CHN1: variants seen among roughly 807,000 people sequenced by gnomAD.
CHN1 encodes N-chimaerin.
In CHN1, 37 loss-of-function variants were observed where a neutral mutation model predicts 59.5. That is an observed-to-expected ratio of 0.62 (90% confidence interval 0.48 to 0.82). The LOEUF (loss-of-function observed/expected upper bound fraction) is 0.82. Ranked by LOEUF, CHN1 falls within the 40% of genes least tolerant of loss-of-function variation. The pLI is 0.00. For missense variants in CHN1, 469 were observed against 571.0 expected (o/e 0.82, Z 1.82); for synonymous variants, 206 against 200.4 (o/e 1.03, Z -0.24).
At chr2:174,920,724 T>C (rs541329154) in intron 3 of CHN1, among the ~76,000 whole-genome samples, 2 of 152,308 alleles carry the variant, frequency 1.3e-5, no homozygotes, top group Admixed American at 1.3e-4. Flanking sequence ...CCCAACATTT[T>C]TGGCACCAGG....
chr2:174,859,950 C>T (rs1182424161), intron 6 of CHN1, among the ~76,000 whole-genome samples: 1 of 151,902 alleles, frequency 6.6e-6, no homozygotes, highest in Admixed American at 6.6e-5. Flanking sequence ...TTAACCTCGG[C>T]ATTAAAAAAA....
chr2:174,928,623 C>A (rs1425653636), intron 3 of CHN1, among the ~76,000 whole-genome samples: 2 of 152,120 alleles, frequency 1.3e-5, no homozygotes, highest in African/African-American at 2.4e-5. Context: ...AGGTATATGA[C>A]TGAACCTTCG....
At position 175,005,367 on chromosome 2, in the gene CHN1, G is replaced by T. The variant is rs1292318053; in HGVS notation, c.-455C>A. 3.6e-6 allele frequency: 4 copies of T among 1,101,560 alleles called. No individual in the cohort carries two copies. Among genetic ancestry groups the T allele is most frequent in the Non-Finnish European group, 4.5e-6 (4 of 895,510 alleles). The allele number at this position is 1,101,560 out of a possible 1,614,324, so 68.2% of individuals were successfully genotyped here. A position where few individuals can be genotyped will look rare whatever the true frequency, so the allele number is the denominator to read the frequency against. On this transcript the variant is annotated 5_prime_UTR_variant, in exon 1 of 13. Coordinates refer to ENST00000409900, the MANE Select transcript of CHN1 (RefSeq NM_001822.7). ...CGCGGCCTCGCAGACGCCATCTTGC[G>T]ATAGCGTCTCCCACGAGCTCGGCCG...
intron 7 of CHN1, among the ~76,000 whole-genome samples, chr2:174,840,169 T>TC (rs1291164818): frequency 7.4e-6 from 1 of 135,308 alleles, no homozygotes; most frequent in Non-Finnish European, 1.6e-5. Context: ...TTCTTTTTTT[T>TC]TTTTTTTTTT....
At chr2:174,992,988 C>A (rs947978530) in intron 1 of CHN1, among the ~76,000 whole-genome samples, 1 of 152,076 alleles carries the variant, frequency 6.6e-6, no homozygotes, top group African/African-American at 2.4e-5. Flanking sequence ...GAGAGTCTCA[C>A]TACATTGCTC....
At chr2:174,837,652 A>T (rs1686134193) in intron 7 of CHN1, among the ~76,000 whole-genome samples, 1 of 152,212 alleles carries the variant, frequency 6.6e-6, no homozygotes, top group Non-Finnish European at 1.5e-5. Context: ...CCTATTTTGT[A>T]ACCAGAAGAA....
chr2:174,914,840 T>C (rs540339933), intron 5 of CHN1, among the ~76,000 whole-genome samples: 7 of 82,586 alleles, frequency 8.5e-5, no homozygotes, highest in Admixed American at 3.0e-4. Flanking sequence ...TGAGATTCCA[T>C]TCAAAAAAAA....
intron 1 of CHN1, among the ~76,000 whole-genome samples, chr2:174,955,356 G>A (rs1169108388): frequency 1.3e-5 from 2 of 151,830 alleles, no homozygotes; most frequent in Non-Finnish European, 2.9e-5. Flanking sequence ...TGGAATTGGA[G>A]ACCATTATTT....
intron 7 of CHN1, chr2:174,846,304 C>T: frequency 6.5e-7 from 1 of 1,545,434 alleles, no homozygotes; most frequent in African/African-American, 1.4e-5. Context: ...AAAAACTACA[C>T]ATACGCATAC....
chr2:174,821,685 A>T (rs1405452976), intron 8 of CHN1: 1 of 448,116 alleles, frequency 2.2e-6, no homozygotes, highest in African/African-American at 2.0e-5. Context: ...TCTGGAGGAC[A>T]TAGCTTTCCA....
chr2:174,891,140 CAAAAAAAAAA>C (rs58016502), intron 5 of CHN1, among the ~76,000 whole-genome samples: 5 of 24,416 alleles, frequency 2.0e-4, no homozygotes, highest in South Asian at 3.5e-3. Flanking sequence ...GACTCCATCT[CAAAAAAAAAA>C]AAAAAAAAAA....
intron 3 of CHN1, among the ~76,000 whole-genome samples, chr2:174,943,312 T>C (rs1320633652): frequency 6.6e-6 from 1 of 151,894 alleles, no homozygotes. Flanking sequence ...CTGCAACCTC[T>C]GCCTCCCGGG....
intron 1 of CHN1, among the ~76,000 whole-genome samples, chr2:174,996,222 T>C (rs1015884816): frequency 1.3e-5 from 2 of 152,190 alleles, no homozygotes; most frequent in Non-Finnish European, 2.9e-5. Flanking sequence ...GAAAGTGTCA[T>C]AGTGGCCAGC....
intron 11 of CHN1, among the ~76,000 whole-genome samples, chr2:174,805,030 T>A (rs1455934633): frequency 1.3e-5 from 2 of 152,260 alleles, no homozygotes; most frequent in African/African-American, 4.8e-5. Context: ...TCTTTAGCTA[T>A]AAGAAGCATA....
At chr2:174,972,403 T>C (rs1211383652) in intron 1 of CHN1, among the ~76,000 whole-genome samples, 2 of 152,154 alleles carry the variant, frequency 1.3e-5, no homozygotes, top group Non-Finnish European at 2.9e-5. Context: ...AGAACAGTAA[T>C]CCCTAACCCA....
chr2:174,997,896 A>C (rs1259052078), intron 1 of CHN1, among the ~76,000 whole-genome samples: 2 of 150,472 alleles, frequency 1.3e-5, no homozygotes, highest in East Asian at 3.9e-4. Context: ...CTGATGCAGG[A>C]GAATCGCTCA....
At chr2:174,968,555 G>A (rs1690661644) in intron 1 of CHN1, among the ~76,000 whole-genome samples, 1 of 152,250 alleles carries the variant, frequency 6.6e-6, no homozygotes, top group South Asian at 2.1e-4. Context: ...AAGTTGCCAA[G>A]GGGCAAAAAC....
At chr2:174,845,040 C>G (rs767159310) in intron 7 of CHN1, among the ~76,000 whole-genome samples, 12 of 152,130 alleles carry the variant, frequency 7.9e-5, no homozygotes, top group Non-Finnish European at 1.5e-4. Flanking sequence ...AGAGTCAGAA[C>G]TTTCCAGCTG....
At chr2:174,989,483 T>C (rs1278483365) in intron 1 of CHN1, among the ~76,000 whole-genome samples, 2 of 150,972 alleles carry the variant, frequency 1.3e-5, no homozygotes, top group African/African-American at 4.9e-5. Context: ...TAAAGTTGCA[T>C]ATTAGGCCTG....
Sources: allele counts gnomAD v4.1 joint callset (sites outside exome capture counted in the v4.1 genomes callset), GRCh38; gene constraint gnomAD v4.1.1; transcripts MANE v1.5; gene names NCBI Gene and HGNC (gene_info 2026-07-23, HGNC 2026-07-21).